M1AP: variants seen among roughly 807,000 people sequenced by gnomAD.
M1AP encodes the protein meiosis 1 arrest protein.
A neutral mutation model predicts 51.2 loss-of-function variants in M1AP; 39 were observed. The observed-to-expected ratio is 0.76, with a 90% confidence interval of 0.59 to 1.00. M1AP has a LOEUF of 1.00. M1AP is among the 50% of genes least tolerant of loss of function. M1AP has a pLI of 0.00. For synonymous variants in M1AP, 251 were observed against 249.2 expected, an observed-to-expected ratio of 1.01 and a Z score of -0.07; for missense variants, 545 against 641.2, an observed-to-expected ratio of 0.85 and a Z score of 1.62.
chr2:74,628,826 G>GA (rs1682547259), intron 2 of M1AP: 9 of 463,410 alleles, frequency 1.9e-5, no homozygotes, highest in Non-Finnish European at 3.0e-5. Context: ...AGAATAAGTG[G>GA]AAAACGATAC....
intron 7 of M1AP, among the ~76,000 whole-genome samples, chr2:74,572,638 G>T (rs1678818937): frequency 6.6e-6 from 1 of 152,178 alleles, no homozygotes; most frequent in African/African-American, 2.4e-5. Context: ...GACTACTTTG[G>T]TAGCTGTGTG....
At chr2:74,579,351 A>G (rs1301581802) in intron 5 of M1AP, among the ~76,000 whole-genome samples, 1 of 152,226 alleles carries the variant, frequency 6.6e-6, no homozygotes, top group Admixed American at 6.5e-5. Flanking sequence ...AGCATGAGGC[A>G]GGTTAATATA....
intron 3 of M1AP, among the ~76,000 whole-genome samples, chr2:74,613,036 CAA>C (rs1681462390): frequency 1.3e-5 from 2 of 151,982 alleles, no homozygotes; most frequent in Non-Finnish European, 2.9e-5. Flanking sequence ...TCCTCAAACT[CAA>C]AGATTCTTTC....
At chr2:74,590,716 C>T (rs545964476) in intron 4 of M1AP, among the ~76,000 whole-genome samples, 17 of 152,220 alleles carry the variant, frequency 1.1e-4, no homozygotes, top group Non-Finnish European at 1.8e-4. Context: ...GAAGTGTTCC[C>T]GGATTGCCAA....
rs925810037 is a variant in M1AP, at chr2:74,598,368, C to T, written c.595+8687G>A. Among the ~76,000 whole-genome samples the T allele has an allele frequency of 1.2e-4, 17 of 146,722 alleles. No individual in the cohort carries two copies. In the South Asian group the frequency reaches 1.7e-3, roughly 14 times the overall value. ...CCGCACTCCAGCCTGGGTGACAGATCGAGACTCCATGTCAATAAATAAATA... is the reference window on the plus strand; with the variant it reads ...CCGCACTCCAGCCTGGGTGACAGATTGAGACTCCATGTCAATAAATAAATA... On this transcript the variant is annotated intron_variant, in intron 4 of 10. Coordinates refer to ENST00000421985, the MANE Select transcript of M1AP (RefSeq NM_001321739.2).
At chr2:74,615,591 T>C (rs1681619706) in intron 2 of M1AP, 2 of 179,736 alleles carry the variant, frequency 1.1e-5, no homozygotes, top group South Asian at 1.2e-4. Context: ...TTTGATGTGG[T>C]TGATCACTTC....
chr2:74,615,694 C>G (rs1302020199), intron 2 of M1AP: 2 of 153,398 alleles, frequency 1.3e-5, no homozygotes, highest in Admixed American at 1.3e-4. Flanking sequence ...AAGGAGCCAA[C>G]ATGTTAAACC....
chr2:74,561,223 GAGGAGGAGA>G lies in M1AP; in HGVS notation c.1282-941_1282-933del, dbSNP rs1458176730. Among the ~76,000 whole-genome samples, 204 of 136,498 alleles carry G rather than the reference GAGGAGGAGA, an allele frequency of 1.5e-3. 3 individuals carry two copies. Among genetic ancestry groups the G allele is most frequent in the African/African-American group, 3.9e-3 (127 of 32,542 alleles). 89.5% of individuals were successfully genotyped at this position (136,498 alleles called of 152,430 possible). Reference sequence around the variant, plus strand: ...GAAGGAGGAGGAGGAGGAGAAGGAGGAGGAGGAGAAGGAGGAGGAGGAGGAGGAGGAGGA... The same window carrying G: ...GAAGGAGGAGGAGGAGGAGAAGGAGGAGGAGGAGGAGGAGGAGGAGGAGGA... On this transcript the variant is annotated intron_variant, in intron 8 of 10. Coordinates refer to ENST00000421985, the MANE Select transcript of M1AP (RefSeq NM_001321739.2).
intron 1 of M1AP, among the ~76,000 whole-genome samples, chr2:74,641,492 T>G (rs991515223): frequency 1.3e-5 from 2 of 152,210 alleles, no homozygotes; most frequent in Non-Finnish European, 2.9e-5. Context: ...AAAATGTATC[T>G]AACCAATACT....
At chr2:74,573,969 A>AAACTGAGCTGT in intron 7 of M1AP, among the ~76,000 whole-genome samples, 2 of 152,338 alleles carry the variant, frequency 1.3e-5, no homozygotes, top group South Asian at 4.1e-4. Context: ...AGTAAATAGT[A>AAACTGAGCTGT]AACTGAGCTG....
At chr2:74,575,180 G>T in intron 7 of M1AP, 1 of 532,928 alleles carries the variant, frequency 1.9e-6, no homozygotes, top group Non-Finnish European at 2.4e-6. Context: ...ATTCCCTGTT[G>T]CCATTTAAAT....
intron 7 of M1AP, among the ~76,000 whole-genome samples, chr2:74,564,429 C>T (rs1246282512): frequency 6.6e-6 from 1 of 152,138 alleles, no homozygotes; most frequent in East Asian, 1.9e-4. Flanking sequence ...ATTCGGGAGG[C>T]ATGATGCATC....
At chr2:74,638,469 G>A (rs911351140) in intron 2 of M1AP, among the ~76,000 whole-genome samples, 11 of 152,014 alleles carry the variant, frequency 7.2e-5, no homozygotes, top group African/African-American at 2.7e-4. Flanking sequence ...TTCTATCTAG[G>A]GTGGAACAGT....
At chr2:74,617,384 T>C (rs770392205) in intron 2 of M1AP, among the ~76,000 whole-genome samples, 4 of 152,236 alleles carry the variant, frequency 2.6e-5, no homozygotes, top group Non-Finnish European at 5.9e-5. Flanking sequence ...GATGACATAT[T>C]ACTATGGATT....
chr2:74,561,232 A>AAGGAGGAGG (rs374729127), intron 8 of M1AP, among the ~76,000 whole-genome samples: 7 of 34,244 alleles, frequency 2.0e-4, no homozygotes, highest in African/African-American at 6.1e-4. Flanking sequence ...GGAGGAGGAG[A>AAGGAGGAGG]AGGAGGAGGA....
intron 3 of M1AP, among the ~76,000 whole-genome samples, chr2:74,611,789 G>A (rs913773969): frequency 1.4e-5 from 2 of 144,184 alleles, no homozygotes; most frequent in East Asian, 2.1e-4. Context: ...CCGAGATTAC[G>A]CCATTGCACT....
At chr2:74,589,194 T>A (rs1679894938) in intron 4 of M1AP, among the ~76,000 whole-genome samples, 1 of 152,250 alleles carries the variant, frequency 6.6e-6, no homozygotes, top group South Asian at 2.1e-4. Flanking sequence ...GCGAAGATTG[T>A]TTCTTATAGA....
rs878956718 is a variant in M1AP, at chr2:74,575,542, A to T, written c.970T>A (p.Tyr324Asn). The change falls in exon 7 of 11, where the codon TAT (tyrosine) becomes AAT (asparagine). Residue 324 changes from tyrosine to asparagine, a missense_variant. Tyr to Asn is a moderately radical substitution (Grantham distance 143). Transcript: ENST00000421985. ...GGTCTGAGGATGAACGGGAGTCCAT[A>T]TGTCAATGACTCGCAGAGCCCGCTA... is the stretch of plus-strand genomic sequence containing the variant. ...KSSGLCESLT[Y>N]GLPFILRPTS... 6.2e-7 allele frequency: 1 copy of T among 1,614,048 alleles called. No individual in the cohort carries two copies. Among genetic ancestry groups the T allele is most frequent in the Non-Finnish European group, 8.5e-7 (1 of 1,180,022 alleles).
chr2:74,559,733 CAT>C (rs1309404776), intron 9 of M1AP, 24 bp from the exon 10 acceptor site: 10 of 718,388 alleles, frequency 1.4e-5, no homozygotes, highest in South Asian at 7.4e-5. Flanking sequence ...ATGAGAAAAA[CAT>C]ATAAGCAAGC....
Sources: gnomAD v4.1 joint callset for allele counts (sites outside exome capture counted in the v4.1 genomes callset) on GRCh38, gnomAD v4.1.1 for gene constraint, MANE v1.5 for transcripts, NCBI Gene and HGNC (gene_info 2026-07-23, HGNC 2026-07-21) for gene names.